The following ROBO2 variants were observed in gnomAD, a reference collection of about 807,000 sequenced individuals.
ROBO2 encodes roundabout guidance receptor 2.
Under a neutral mutation model 160.8 loss-of-function variants are expected in ROBO2, and 53 were observed. The ratio of observed to expected loss-of-function variants is 0.33; its 90% CI spans 0.26 to 0.41. The LOEUF is 0.41. Among genes scored for constraint, ROBO2 ranks in the 10% least tolerant of loss-of-function variants. The pLI is 1.00. For missense variants in ROBO2, 1,577 were observed against 1,722.4 expected, an observed-to-expected ratio of 0.92 and a Z score of 1.49; for synonymous variants, 664 against 611.7, an observed-to-expected ratio of 1.09 and a Z score of -1.26.
At chr3:77,030,016 G>A (rs924653121) in intron 2 of ROBO2, among the ~76,000 whole-genome samples, 5 of 150,898 alleles carry the variant, frequency 3.3e-5, no homozygotes, top group Non-Finnish European at 7.4e-5. Context: ...TGCGATCTCC[G>A]CTCACTGCAA....
chr3:75,962,755 A>T (rs1007461626), intron 2 of ROBO2, among the ~76,000 whole-genome samples: 1 of 151,838 alleles, frequency 6.6e-6, no homozygotes, highest in Non-Finnish European at 1.5e-5. Flanking sequence ...TTCCAAATAT[A>T]AAAATAATTC....
intron 2 of ROBO2, among the ~76,000 whole-genome samples, chr3:75,990,377 G>T (rs534393918): frequency 6.6e-6 from 1 of 152,260 alleles, no homozygotes; most frequent in South Asian, 2.1e-4. Context: ...ATTTGTTGGG[G>T]ACTGGCTCTG....
chr3:76,536,553 C>T (rs923668251), intron 2 of ROBO2, among the ~76,000 whole-genome samples: 13 of 152,044 alleles, frequency 8.6e-5, no homozygotes, highest in Non-Finnish European at 1.6e-4. Flanking sequence ...TTCAGCCCTT[C>T]AACTAGGCAA....
At chr3:76,566,574 A>G (rs2084537539) in intron 2 of ROBO2, among the ~76,000 whole-genome samples, 1 of 152,222 alleles carries the variant, frequency 6.6e-6, no homozygotes, top group African/African-American at 2.4e-5. Flanking sequence ...TATGCTCTTC[A>G]CTAAGAGTAA....
intron 2 of ROBO2, among the ~76,000 whole-genome samples, chr3:76,387,749 G>T (rs1357815131): frequency 6.6e-6 from 1 of 152,172 alleles, no homozygotes; most frequent in Non-Finnish European, 1.5e-5. Flanking sequence ...TAGACAGAGG[G>T]ACTCCAGAGT....
At chr3:76,163,978 G>A (rs1003027316) in intron 2 of ROBO2, among the ~76,000 whole-genome samples, 3 of 152,140 alleles carry the variant, frequency 2.0e-5, no homozygotes, top group African/African-American at 7.2e-5. Flanking sequence ...ATGCAATGCT[G>A]TTTGACAGCA....
At chr3:75,991,862 T>C (rs1645871049) in intron 2 of ROBO2, among the ~76,000 whole-genome samples, 1 of 152,012 alleles carries the variant, frequency 6.6e-6, no homozygotes, top group East Asian at 1.9e-4. Context: ...GGAACTAGAC[T>C]CGTTCAGAAA....
In ROBO2 at chr3:76,323,175, A is replaced by ACACACACACC. The variant is rs752990413; in HGVS notation, c.109+385574_109+385575insACACACACCC. Among the ~76,000 whole-genome samples, 132 of 145,704 alleles carry ACACACACACC rather than the reference A, an allele frequency of 9.1e-4. 1 individual carries two copies. The highest frequency in any genetic ancestry group is 1.8e-3 in the African/African-American group (73 of 39,998). The stretch of plus-strand genomic sequence containing the variant: ...CACACACACACACACACACACACAC[A>ACACACACACC]CCCCTAAAGGCTAATTGCTGGGATT... On this transcript the variant is annotated intron_variant, in intron 2 of 26. Transcript: ENST00000487694.
At chr3:76,668,420 A>G (rs1328438769) in intron 2 of ROBO2, among the ~76,000 whole-genome samples, 1 of 152,102 alleles carries the variant, frequency 6.6e-6, no homozygotes, top group South Asian at 2.1e-4. Context: ...TTAGAGGCCA[A>G]TCAGGTATCT....
At chr3:77,596,565 A>C (rs2094308303) in intron 18 of ROBO2, 58 bp from the exon 20 acceptor site, 1 of 1,604,196 alleles carries the variant, frequency 6.2e-7, no homozygotes, top group Admixed American at 1.7e-5. Flanking sequence ...GCATGAGACG[A>C]GTGTCAAAAT....
chr3:77,194,248 C>T (rs1381567541), intron 2 of ROBO2, among the ~76,000 whole-genome samples: 3 of 152,204 alleles, frequency 2.0e-5, no homozygotes, highest in African/African-American at 7.2e-5. Flanking sequence ...CTGGGGGTCT[C>T]TCCACTGAAG....
intron 2 of ROBO2, among the ~76,000 whole-genome samples, chr3:77,234,792 A>G (rs2087711782): frequency 6.6e-6 from 1 of 152,152 alleles, no homozygotes; most frequent in African/African-American, 2.4e-5. Flanking sequence ...AATGACAAAA[A>G]TTCAAATAGT....
intron 2 of ROBO2, among the ~76,000 whole-genome samples, chr3:77,099,842 G>C (rs2071656331): frequency 1.3e-5 from 2 of 151,942 alleles, no homozygotes; most frequent in African/African-American, 4.8e-5. Context: ...ATAAATTAAT[G>C]GGGATGCTAG....
At chr3:77,298,013 G>A (rs1400284338) in intron 2 of ROBO2, among the ~76,000 whole-genome samples, 1 of 152,140 alleles carries the variant, frequency 6.6e-6, no homozygotes, top group Non-Finnish European at 1.5e-5. Context: ...GGCTACCTAA[G>A]CGGGTAGGGC....
intron 2 of ROBO2, among the ~76,000 whole-genome samples, chr3:76,048,271 A>G (rs1487943926): frequency 1.3e-5 from 2 of 152,190 alleles, no homozygotes; most frequent in Admixed American, 6.5e-5. Context: ...GCAAAGCTCT[A>G]TCTTCTGCTA....
At chr3:76,290,976 A>G (rs1708772552) in intron 2 of ROBO2, among the ~76,000 whole-genome samples, 1 of 151,940 alleles carries the variant, frequency 6.6e-6, no homozygotes, top group Admixed American at 6.6e-5. Context: ...TTTTGCATCA[A>G]TATTAGGGAT....
At position 76,110,459 on chromosome 3, in the gene ROBO2, A is replaced by G. The variant is rs534805645; in HGVS notation, c.109+172857A>G. 4.6e-5 allele frequency among the ~76,000 whole-genome samples: 7 copies of G among 152,244 alleles called. No homozygotes were observed. In the South Asian group the frequency reaches 8.3e-4, roughly 18 times the overall value. On this transcript the variant is annotated intron_variant, in intron 2 of 26. Transcript: ENST00000487694. ...GAGGCCTAATTATTGTTTAGCACATATTTGTTGAGCTGACATGAAGCTTGA... is the reference window on the plus strand; with the variant it reads ...GAGGCCTAATTATTGTTTAGCACATGTTTGTTGAGCTGACATGAAGCTTGA...
intron 2 of ROBO2, among the ~76,000 whole-genome samples, chr3:76,982,093 A>G (rs1227349668): frequency 6.6e-6 from 1 of 152,076 alleles, no homozygotes; most frequent in Admixed American, 6.6e-5. Flanking sequence ...GTGAAGTCCA[A>G]TTTCTCTATT....
At chr3:77,156,760 ATATT>A (rs1167555764) in intron 2 of ROBO2, among the ~76,000 whole-genome samples, 1 of 149,950 alleles carries the variant, frequency 6.7e-6, no homozygotes, top group Non-Finnish European at 1.5e-5. Flanking sequence ...ATATATAAAA[ATATT>A]TATTAGAATA....
Sources: allele counts gnomAD v4.1 joint callset (sites outside exome capture counted in the v4.1 genomes callset), GRCh38; gene constraint gnomAD v4.1.1; transcripts MANE v1.5; gene names NCBI Gene and HGNC (gene_info 2026-07-23, HGNC 2026-07-21).